MYBPC2: variants seen among roughly 807,000 people sequenced by gnomAD.
MYBPC2 encodes the protein myosin binding protein C2, also known as myosin-binding protein C, fast-type.
In MYBPC2, 122 loss-of-function variants were observed where a neutral mutation model predicts 137.0. The observed-to-expected ratio is 0.89, with a 90% CI of 0.77 to 1.03. The LOEUF is 1.03. Among genes scored for constraint, MYBPC2 ranks in the 50% least tolerant of loss-of-function variants. The pLI is 0.00. For missense variants in MYBPC2, 1,500 were observed against 1,534.4 expected (o/e 0.98, Z 0.37); for synonymous variants, 626 against 612.3 (o/e 1.02, Z -0.33).
At chr19:50,452,508 G>GTATGTATGTATGTATCTATCTATCTATC (rs1433850781) in intron 16 of MYBPC2, among the ~76,000 whole-genome samples, 2 of 114,652 alleles carry the variant, frequency 1.7e-5, no homozygotes, top group African/African-American at 3.0e-5. Flanking sequence ...ATGTATGTAT[G>GTATGTATGTATGTATCTATCTATCTATC]TATCTATCTA....
At chr19:50,462,866 T>C (rs1486046880) in intron 26 of MYBPC2, among the ~76,000 whole-genome samples, 1 of 102,840 alleles carries the variant, frequency 9.7e-6, no homozygotes, top group Non-Finnish European at 2.3e-5. Context: ...TTTTTCTTTG[T>C]CCCCTGACTG....
rs376510409 is a variant in MYBPC2 at position 50,464,220 on chromosome 19, C to T, written c.3229-126C>T. The T allele has an allele frequency of 4.7e-4, 384 of 811,964 alleles. 1 individual carries two copies. In the East Asian group the frequency reaches 7.0e-3, roughly 15 times the overall value. The allele number at this position is 811,964 out of a possible 1,614,324, so 50.3% of individuals were successfully genotyped here. ...GACTGAGGGTCAGGGAGAAGTGACT[C>T]GTCCAAGAACATCTGGCAAGAGGGT... On this transcript the variant is annotated intron_variant, in intron 26 of 27. Transcript: ENST00000357701.
At chr19:50,436,215 C>T in intron 4 of MYBPC2, 55 bp downstream of exon 4, 5 of 1,538,080 alleles carry the variant, frequency 3.3e-6, no homozygotes, top group South Asian at 2.4e-5. Context: ...TTGTGCAGGA[C>T]ATGCTCCTCA....
chr19:50,436,846 G>A, intron 5 of MYBPC2, 112 bp downstream of exon 5: 1 of 936,792 alleles, frequency 1.1e-6, no homozygotes, highest in South Asian at 1.5e-5. Flanking sequence ...GTGGGCACAG[G>A]TTTTTGGAGG....
intron 11 of MYBPC2, among the ~76,000 whole-genome samples, chr19:50,445,016 T>C (rs2039791565): frequency 1.3e-5 from 2 of 151,946 alleles, no homozygotes; most frequent in South Asian, 4.1e-4. Context: ...TAGGCATTAG[T>C]CAAGTCATCA....
At position 50,440,790 on chromosome 19, in the gene MYBPC2, T is replaced by C. The variant is rs2039746489; in HGVS notation, c.573-90T>C. On this transcript the variant is annotated intron_variant, in intron 7 of 27. Transcript: ENST00000357701. ...ACCCCTAAAGGGAAGGTGGCTTGGG[T>C]GAGTCACAGAGCCAATGAGTGAAGA... The C allele has an allele frequency of 6.0e-6, 8 of 1,329,326 alleles. No homozygotes were observed. The South Asian group carries it at 1.2e-4, about 20-fold the overall frequency. The allele number at this position is 1,329,326 out of a possible 1,614,324, so 82.3% of individuals were successfully genotyped here.
chr19:50,449,233 T>C (rs1486107849), intron 13 of MYBPC2, among the ~76,000 whole-genome samples: 1 of 152,012 alleles, frequency 6.6e-6, no homozygotes, highest in Non-Finnish European at 1.5e-5. Flanking sequence ...AGCGTGCAGG[T>C]TGGTTGGGGG....
At chr19:50,448,104 G>T in intron 12 of MYBPC2, 121 bp from the exon 13 acceptor site, 1 of 1,214,658 alleles carries the variant, frequency 8.2e-7, no homozygotes, top group Non-Finnish European at 1.1e-6. Flanking sequence ...GGTTGTTTCT[G>T]GGTTGTCTGT....
In MYBPC2 at chr19:50,455,293, A is replaced by G; in HGVS notation, c.2200A>G (p.Ile734Val). ...CATGAACACCAAGCCTTTTATGCCT[A>G]TTGGTAATGTCCTCCCTCACTTTTA... ...PSMNTKPFMP[I>V]APTSEPLHLI... is the part of the protein sequence containing the mutation. The change falls in exon 19 of 28, where the codon ATT becomes GTT. Residue 734 changes from isoleucine (I) to valine (V), a missense_variant. Physicochemically the swap from Ile to Val is conservative, Grantham distance 29. Transcript: ENST00000357701. 6.2e-7 allele frequency: 1 copy of G among 1,612,810 alleles called. No homozygotes were observed. Among genetic ancestry groups the G allele is most frequent in the Non-Finnish European group, 8.5e-7 (1 of 1,179,060 alleles).
Position 50,441,050 on chromosome 19 carries a change from C to A in MYBPC2, c.743C>A (p.Ala248Asp). 2 of 1,601,922 alleles carry A rather than the reference C, an allele frequency of 1.2e-6. No individual in the cohort carries two copies. Among genetic ancestry groups the A allele is most frequent in the Non-Finnish European group, 1.7e-6 (2 of 1,174,486 alleles). Residue 248 changes from alanine to aspartate, a missense_variant, in exon 8 of 28, where the codon GCT becomes GAT. Physicochemically the swap from Ala to Asp is moderately radical, Grantham distance 126. Transcript: ENST00000357701. ...LRGMLKRLKK[A>D]KVEVKKSAAF... ...GGCATGCTGAAGCGGCTGAAAAAGG[C>A]TAAGGTCGAGGTCAAGAAGAGTGCA...
At chr19:50,455,388 C>T (rs1331144672) in intron 19 of MYBPC2, 92 bp downstream of exon 19, 2 of 1,558,516 alleles carry the variant, frequency 1.3e-6, no homozygotes, top group Non-Finnish European at 1.7e-6. Flanking sequence ...TTTTGCCCGC[C>T]ATCAATCTCT....
intron 18 of MYBPC2, 79 bp from the exon 19 acceptor site, chr19:50,455,029 A>T (rs1338414076): frequency 7.3e-7 from 1 of 1,366,124 alleles, no homozygotes; most frequent in East Asian, 2.5e-5. Context: ...GATCCTCTGG[A>T]TGTGGCCCTC....
rs1568670166 is a variant in MYBPC2 at position 50,461,993 on chromosome 19, G to A, written c.3185G>A (p.Gly1062Glu). 1.3e-6 allele frequency: 2 copies of A among 1,574,892 alleles called. No homozygotes were observed. The highest frequency in any genetic ancestry group is 1.8e-5 in the Admixed American group (1 of 54,064). ...TPLIDRVVVA[G>E]YSAALNCAVR... ...CTCATAGACCGCGTGGTCGTGGCTG[G>A]GTACTCGGCAGCCCTCAACTGTGCT... Residue 1062 changes from glycine (G) to glutamate (E), a missense_variant, in exon 26 of 28, where the codon GGG becomes GAG. Transcript: ENST00000357701.
At chr19:50,436,469 C>G in intron 4 of MYBPC2, 148 bp from the exon 5 acceptor site, 3 of 769,806 alleles carry the variant, frequency 3.9e-6, no homozygotes, top group Non-Finnish European at 4.2e-6. Flanking sequence ...AGCTGGCCAC[C>G]AGGTGCTGAG....
At chr19:50,438,404 C>T (rs528795905) in intron 7 of MYBPC2, among the ~76,000 whole-genome samples, 1 of 151,998 alleles carries the variant, frequency 6.6e-6, no homozygotes, top group African/African-American at 2.4e-5. Context: ...ATGGGTGCCT[C>T]AGTAGGTGGG....
chr19:50,456,666 G>A (rs1272404662), intron 20 of MYBPC2, among the ~76,000 whole-genome samples: 1 of 151,526 alleles, frequency 6.6e-6, no homozygotes. Context: ...TTGATCTTCT[G>A]ACCTCGTGAT....
chr19:50,442,808 G>A (rs1457222638), intron 9 of MYBPC2, among the ~76,000 whole-genome samples: 2 of 151,742 alleles, frequency 1.3e-5, no homozygotes, highest in East Asian at 2.0e-4. Context: ...ACAGAGTTTC[G>A]CTCTTGTTGC....
Position 50,448,329 on chromosome 19 carries a change from T to A in MYBPC2, c.1411T>A (p.Trp471Arg). 6.2e-7 allele frequency: 1 copy of A among 1,613,704 alleles called. No individual in the cohort carries two copies. Among genetic ancestry groups the A allele is most frequent in the South Asian group, 1.1e-5 (1 of 91,070 alleles). Residue 471 changes from tryptophan (W) to arginine (R), a missense_variant, in exon 13 of 28, where the codon TGG becomes AGG. By Grantham distance (101) the Trp-to-Arg change is moderately radical. Transcript: ENST00000357701. ...GTCTGATGAGAAAGTGACGGGCAAG[T>A]GGTATAAGAATGGGGTCGAGGTGCG... ...EVSDEKVTGK[W>R]YKNGVEVRPS... is the part of the protein sequence containing the mutation.
Position 50,461,996 on chromosome 19 carries a change from A to G in MYBPC2, c.3188A>G (p.Tyr1063Cys), listed in dbSNP as rs2039976705. 2 of 1,573,852 alleles carry G rather than the reference A, an allele frequency of 1.3e-6. No homozygotes were observed. The highest frequency in any genetic ancestry group is 2.7e-5 in the African/African-American group (2 of 73,922). The change falls in exon 26 of 28, where the codon TAC (tyrosine) becomes TGC (cysteine). Residue 1063 changes from tyrosine to cysteine, a missense_variant. Physicochemically the swap from Tyr to Cys is radical, Grantham distance 194. Coordinates refer to ENST00000357701, the MANE Select transcript of MYBPC2 (RefSeq NM_004533.4). The stretch of plus-strand genomic sequence containing the variant: ...ATAGACCGCGTGGTCGTGGCTGGGT[A>G]CTCGGCAGCCCTCAACTGTGCTGTC... ...PLIDRVVVAG[Y>C]SAALNCAVRG...
Sources: gnomAD v4.1 joint callset for allele counts (sites outside exome capture counted in the v4.1 genomes callset) on GRCh38, gnomAD v4.1.1 for gene constraint, MANE v1.5 for transcripts, NCBI Gene and HGNC (gene_info 2026-07-23, HGNC 2026-07-21) for gene names.